Variants in NCOA1 observed in about 807,000 individuals in gnomAD.
The protein encoded by NCOA1 is Hin-2 protein.
Under a neutral mutation model 150.9 loss-of-function variants are expected in NCOA1, and 35 were observed. That is an observed-to-expected ratio of 0.23 (90% confidence interval 0.18 to 0.31). The LOEUF (loss-of-function observed/expected upper bound fraction) is 0.31, where lower values mean the gene tolerates loss of function less well. NCOA1 is among the 10% of genes least tolerant of loss of function. The probability of loss-of-function intolerance (pLI) is 1.00; values close to 1 mark genes in which losing one functional copy is unlikely to be tolerated. For synonymous variants in NCOA1, 590 were observed against 630.0 expected (o/e 0.94, Z 0.95); for missense variants, 1,491 against 1,749.3 (o/e 0.85, Z 2.63).
chr2:24,705,512 A>T (rs776124176), intron 12 of NCOA1, among the ~76,000 whole-genome samples: 18 of 152,174 alleles, frequency 1.2e-4, no homozygotes, highest in Admixed American at 2.0e-4. Context: ...AACATTCCAT[A>T]TGTGAATCTT....
chr2:24,752,848 C>G (rs1664317353), intron 20 of NCOA1, among the ~76,000 whole-genome samples: 1 of 151,744 alleles, frequency 6.6e-6, no homozygotes, highest in Non-Finnish European at 1.5e-5. Context: ...CTTGACTCAC[C>G]CATCTTGCTT....
chr2:24,704,847 G>A (rs1230558954), intron 11 of NCOA1, among the ~76,000 whole-genome samples: 1 of 151,862 alleles, frequency 6.6e-6, no homozygotes, highest in South Asian at 2.1e-4. Flanking sequence ...ACTTCTCTGA[G>A]GAGGCACCCA....
chr2:24,592,931 C>T (rs570077994), intron 3 of NCOA1, among the ~76,000 whole-genome samples: 1 of 152,192 alleles, frequency 6.6e-6, no homozygotes, highest in Non-Finnish European at 1.5e-5. Flanking sequence ...TCTCTGTCCC[C>T]TTCTTTTTTT....
rs1334587724 is a variant in NCOA1, at chr2:24,495,099, T to G, written c.-396+3497T>G. On this transcript the variant is annotated intron_variant, in intron 1 of 22. Coordinates refer to ENST00000348332, the MANE Select transcript of NCOA1 (RefSeq NM_003743.5). ...TCATAAGGAGATGAAGGTGTTTTTT[T>G]TTTGTTTTTTTTTTTTAATAGCTTA... is the stretch of plus-strand genomic sequence containing the variant. 2.1e-5 allele frequency among the ~76,000 whole-genome samples: 3 copies of G among 141,196 alleles called. No homozygotes were observed. The South Asian group carries it at 6.7e-4, about 31-fold the overall frequency. The allele number at this position is 141,196 out of a possible 152,430, so 92.6% of individuals were successfully genotyped here.
intron 14 of NCOA1, among the ~76,000 whole-genome samples, chr2:24,715,317 G>A (rs1284949834): frequency 6.6e-6 from 1 of 152,106 alleles, no homozygotes; most frequent in Non-Finnish European, 1.5e-5. Flanking sequence ...TAATAACAGT[G>A]AATTATATAT....
chr2:24,629,273 T>C (rs1176246367), intron 3 of NCOA1, among the ~76,000 whole-genome samples: 1 of 152,180 alleles, frequency 6.6e-6, no homozygotes, highest in Non-Finnish European at 1.5e-5. Context: ...TGAAATATAC[T>C]AGTCTATTTC....
chr2:24,557,449 T>C, intron 1 of NCOA1, among the ~76,000 whole-genome samples: 1 of 152,176 alleles, frequency 6.6e-6, no homozygotes, highest in Non-Finnish European at 1.5e-5. Context: ...AGTAGTCTTT[T>C]ATATTTATCT....
chr2:24,741,769 T>C lies in NCOA1; in HGVS notation c.3304-15T>C. ...TATAATAATTTTAGTAAGTGAGTTT[T>C]TTCCTGCTTTTCAGCCACCCCTGAA... On this transcript the variant is annotated splice_polypyrimidine_tract_variant and intron_variant, in intron 18 of 22. Coordinates refer to ENST00000348332, the MANE Select transcript of NCOA1 (RefSeq NM_003743.5). The C allele has an allele frequency of 6.3e-7, 1 of 1,596,050 alleles. No individual in the cohort carries two copies. Among genetic ancestry groups the C allele is most frequent in the African/African-American group, 1.3e-5 (1 of 74,218 alleles).
rs1480876518 is a variant in NCOA1 at position 24,514,269 on chromosome 2, G to C, written c.-396+22667G>C. ...CCACTGCACTCCAGCCTGGGCAACA[G>C]AGTGAGACTCTGTCTCAAAAAAAAA... On this transcript the variant is annotated intron_variant, in intron 1 of 22. Coordinates refer to ENST00000348332, the MANE Select transcript of NCOA1 (RefSeq NM_003743.5). 8.1e-5 allele frequency among the ~76,000 whole-genome samples: 9 copies of C among 110,774 alleles called. 1 individual carries two copies. The highest frequency in any genetic ancestry group is 9.3e-3 in the Middle Eastern group (1 of 108). The allele number at this position is 110,774 out of a possible 152,430, so 72.7% of individuals were successfully genotyped here. A position where few individuals can be genotyped will look rare whatever the true frequency, so the allele number is the denominator to read the frequency against.
intron 2 of NCOA1, among the ~76,000 whole-genome samples, chr2:24,566,606 T>A (rs1441902552): frequency 6.6e-6 from 1 of 152,178 alleles, no homozygotes; most frequent in Admixed American, 6.5e-5. Context: ...GCCCCAGGCT[T>A]CAAGCCTTCT....
chr2:24,533,439 T>C (rs1225303370), intron 1 of NCOA1, among the ~76,000 whole-genome samples: 1 of 152,202 alleles, frequency 6.6e-6, no homozygotes, highest in Non-Finnish European at 1.5e-5. Context: ...ACTCTTTATT[T>C]CTTTCTCTTG....
At chr2:24,516,903 T>C (rs533666715) in intron 1 of NCOA1, among the ~76,000 whole-genome samples, 14 of 97,196 alleles carry the variant, frequency 1.4e-4, no homozygotes, top group Non-Finnish European at 2.4e-5. Context: ...CAACCACATA[T>C]ATATGTGCAT....
chr2:24,610,683 A>G (rs1033497778), intron 3 of NCOA1, among the ~76,000 whole-genome samples: 22 of 151,350 alleles, frequency 1.5e-4, no homozygotes, highest in Admixed American at 4.6e-4. Context: ...TGATAATTCT[A>G]ATATCTGAAA....
chr2:24,552,419 T>A (rs531883207), intron 1 of NCOA1, among the ~76,000 whole-genome samples: 2 of 130,496 alleles, frequency 1.5e-5, no homozygotes, highest in Non-Finnish European at 3.1e-5. Flanking sequence ...CAGGCTGGAG[T>A]GCAATGGCAT....
At chr2:24,675,000 G>A (rs1481229178) in intron 7 of NCOA1, among the ~76,000 whole-genome samples, 1 of 152,076 alleles carries the variant, frequency 6.6e-6, no homozygotes, top group African/African-American at 2.4e-5. Flanking sequence ...CACATTCCAT[G>A]GCCCCTTTCA....
chr2:24,721,929 A>G (rs1674375831), intron 14 of NCOA1, among the ~76,000 whole-genome samples: 1 of 152,088 alleles, frequency 6.6e-6, no homozygotes, highest in African/African-American at 2.4e-5. Context: ...CTGCCATGAA[A>G]ATTTCTTCTG....
At position 24,707,600 on chromosome 2, in the gene NCOA1, TAAA is replaced by T. The variant is rs1264442476; in HGVS notation, c.2133_2135del (p.Lys712del). On this transcript the variant is annotated inframe_deletion, in exon 13 of 23. Coordinates refer to ENST00000348332, the MANE Select transcript of NCOA1 (RefSeq NM_003743.5). Reference sequence around the variant, plus strand: ...TCACCACTTTGTCTGTCGAGCCTGATAAAAAGGACAGTGCATCTACTTCTGTGT... The same window carrying T: ...TCACCACTTTGTCTGTCGAGCCTGATAAGGACAGTGCATCTACTTCTGTGT... 1 of 1,614,126 alleles carries T rather than the reference TAAA, an allele frequency of 6.2e-7. No individual in the cohort carries two copies. Among genetic ancestry groups the T allele is most frequent in the South Asian group, 1.1e-5 (1 of 91,082 alleles).
At chr2:24,658,220 C>T (rs1050595240) in intron 4 of NCOA1, among the ~76,000 whole-genome samples, 7 of 152,146 alleles carry the variant, frequency 4.6e-5, no homozygotes, top group African/African-American at 7.2e-5. Flanking sequence ...AATATAAAAT[C>T]CCAAACCTTA....
intron 1 of NCOA1, among the ~76,000 whole-genome samples, chr2:24,506,628 T>G (rs1370729383): frequency 6.6e-6 from 1 of 152,162 alleles, no homozygotes; most frequent in Non-Finnish European, 1.5e-5. Flanking sequence ...GTTCCTTAAT[T>G]ATCATAAGAG....
Sources: allele counts gnomAD v4.1 joint callset (sites outside exome capture counted in the v4.1 genomes callset), GRCh38; gene constraint gnomAD v4.1.1; transcripts MANE v1.5; gene names NCBI Gene and HGNC (gene_info 2026-07-23, HGNC 2026-07-21).